CDHR2: variants seen among roughly 807,000 people sequenced by gnomAD.
CDHR2 encodes cadherin-related family member 2.
A neutral mutation model predicts 138.6 loss-of-function variants in CDHR2; 104 were observed. The observed-to-expected ratio is 0.75, with a 90% CI of 0.64 to 0.88. The LOEUF is 0.88. Ranked by LOEUF, CDHR2 falls within the 40% of genes least tolerant of loss-of-function variation. The probability of loss-of-function intolerance (pLI) is 0.00; values close to 1 mark genes in which losing one functional copy is unlikely to be tolerated. For missense variants in CDHR2, 1,624 were observed against 1,727.6 expected (o/e 0.94, Z 1.06); for synonymous variants, 755 against 742.8 (o/e 1.02, Z -0.27).
At chr5:176,548,038 GTC>G (rs1359623146), upstream of CDHR2, among the ~76,000 whole-genome samples, 3 of 152,116 alleles carry the variant, frequency 2.0e-5, no homozygotes, top group Non-Finnish European at 4.4e-5. Flanking sequence ...TACACACCCA[GTC>G]TCTATACCAC....
rs1757494968 is a variant in CDHR2, at chr5:176,543,150, C to A, written c.-16+381C>A. Among the ~76,000 whole-genome samples, 1 of 150,866 alleles carries A rather than the reference C, an allele frequency of 6.6e-6. No individual in the cohort carries two copies. The highest frequency in any genetic ancestry group is 1.9e-4 in the East Asian group (1 of 5,140). ...CGTGCGGGCGCCGGCAGAGGCCTGG[C>A]GGGAAGACCCCGCGTGCGTTCCTCC... is the stretch of plus-strand genomic sequence containing the variant. On this transcript the variant is annotated intron_variant, in intron 1 of 31. Transcript: ENST00000510636. This position sits in a 1 kb window ranked among gnomAD's most constrained non-coding sequence, Gnocchi z 4.0.
In CDHR2 at chr5:176,575,075, C is replaced by G; in HGVS notation, c.496-9C>G. On this transcript the variant is annotated splice_polypyrimidine_tract_variant and intron_variant, in intron 7 of 31. Coordinates refer to ENST00000261944, the MANE Select transcript of CDHR2 (RefSeq NM_017675.6). ...CTAGGGAGCCTGACCCAAGTCTGCT[C>G]TGCCCCAGGTCATCCCTAGCACTGG... The G allele has an allele frequency of 6.2e-7, 1 of 1,613,954 alleles. No individual in the cohort carries two copies. The highest frequency in any genetic ancestry group is 8.5e-7 in the Non-Finnish European group (1 of 1,179,996).
At chr5:176,562,330 G>C (rs902063796) in intron 1 of CDHR2, among the ~76,000 whole-genome samples, 19 of 148,324 alleles carry the variant, frequency 1.3e-4, no homozygotes, top group Non-Finnish European at 1.5e-5. Context: ...AGAGATGCAG[G>C]CTGATTAGAG....
chr5:176,578,683 G>T, intron 16 of CDHR2, 75 bp downstream of exon 16: 2 of 1,578,062 alleles, frequency 1.3e-6, no homozygotes, highest in Non-Finnish European at 1.7e-6. Context: ...TGCTGGCCCT[G>T]GGTAAAGTCG....
chr5:176,575,246 C>T lies in CDHR2; in HGVS notation c.622-34C>T, dbSNP rs377539876. The stretch of plus-strand genomic sequence containing the variant: ...TGCCGGCAGGCGGGCCTAGGACCCA[C>T]GGCGCTGGCTCACGGGTGGCCATCT... On this transcript the variant is annotated intron_variant, in intron 8 of 31. Transcript: ENST00000261944. 1.9e-5 allele frequency: 30 copies of T among 1,613,964 alleles called. 1 individual carries two copies. The highest frequency in any genetic ancestry group is 8.8e-5 in the South Asian group (8 of 91,090).
At chr5:176,565,441 C>A (rs375842522) in intron 2 of CDHR2, 37 bp downstream of exon 2, 4 of 1,595,200 alleles carry the variant, frequency 2.5e-6, no homozygotes, top group Non-Finnish European at 3.4e-6. Flanking sequence ...CAGCCCTAAC[C>A]TAGAGACCCT....
At position 176,590,258 on chromosome 5, in the gene CDHR2, G is replaced by C; in HGVS notation, c.3281G>C (p.Arg1094Pro). 1 of 1,614,144 alleles carries C rather than the reference G, an allele frequency of 6.2e-7. No homozygotes were observed. The change falls in exon 26 of 32, where the codon CGA becomes CCA. Residue 1094 changes from arginine (R) to proline (P), a missense_variant. Physicochemically the swap from Arg to Pro is moderately radical, Grantham distance 103. Coordinates refer to ENST00000261944, the MANE Select transcript of CDHR2 (RefSeq NM_017675.6). Reference sequence around the variant, plus strand: ...TCAACTCTGTCCCGCTCCAGGGCCCGACCTCACTCCTACCTCGATGCCTAC... The same window carrying C: ...TCAACTCTGTCCCGCTCCAGGGCCCCACCTCACTCCTACCTCGATGCCTAC... The part of the protein sequence containing the change: ...IQDIDSAARA[R>P]PHSYLDAYFV...
At chr5:176,563,240 CG>C (rs1038564591) in intron 1 of CDHR2, among the ~76,000 whole-genome samples, 4 of 152,022 alleles carry the variant, frequency 2.6e-5, no homozygotes, top group Non-Finnish European at 5.9e-5. Flanking sequence ...CCCAGCTACT[CG>C]GGAGGCTGAG....
At chr5:176,545,464 A>T (rs1040173077), upstream of CDHR2, among the ~76,000 whole-genome samples, 1 of 152,210 alleles carries the variant, frequency 6.6e-6, no homozygotes, top group African/African-American at 2.4e-5. Flanking sequence ...TGATTAAAAA[A>T]AATTTTAAGG....
intron 16 of CDHR2, 61 bp from the exon 17 acceptor site, chr5:176,581,282 C>A: frequency 2.5e-6 from 4 of 1,596,516 alleles, no homozygotes; most frequent in South Asian, 2.2e-5. Context: ...CCGGCTGCAT[C>A]GGAGGGGCTG....
chr5:176,594,543 G>C (rs927537878), intron 31 of CDHR2, among the ~76,000 whole-genome samples: 4 of 152,248 alleles, frequency 2.6e-5, no homozygotes, highest in African/African-American at 9.6e-5. Flanking sequence ...GCAGGGCAGG[G>C]GCAGACCAGA....
intron 18 of CDHR2, 37 bp from the exon 19 acceptor site, chr5:176,584,373 G>A (rs779168461): frequency 1.2e-6 from 2 of 1,607,062 alleles, no homozygotes; most frequent in South Asian, 1.1e-5. Flanking sequence ...CGATGGCGGG[G>A]TCAGGAGTCC....
intron 30 of CDHR2, among the ~76,000 whole-genome samples, chr5:176,592,260 G>T (rs1758892092): frequency 7.1e-6 from 1 of 141,542 alleles, no homozygotes; most frequent in South Asian, 2.4e-4. Context: ...GGTGGTGTTG[G>T]TGTTGAGGTG....
rs150353107 is a variant in CDHR2, at chr5:176,589,856, G to A, written c.3207-222G>A. 1.1e-4 allele frequency among the ~76,000 whole-genome samples: 17 copies of A among 152,360 alleles called. 1 individual carries two copies. Among genetic ancestry groups the A allele is most frequent in the Middle Eastern group, 3.4e-3 (1 of 294 alleles). ...GCTGCCGTGTACAGTTGTGAAGGCT[G>A]TGTGTTGCACAAGGGCACTCTGCTT... is the stretch of plus-strand genomic sequence containing the variant. On this transcript the variant is annotated intron_variant, in intron 24 of 31. Transcript: ENST00000261944.
intron 1 of CDHR2, among the ~76,000 whole-genome samples, chr5:176,562,873 C>T (rs777481456): frequency 5.9e-5 from 9 of 152,170 alleles, no homozygotes; most frequent in Non-Finnish European, 1.0e-4. Context: ...ATGATCCACG[C>T]TCACTTGGGG....
chr5:176,591,289 G>T lies in CDHR2; in HGVS notation c.3619G>T (p.Ala1207Ser). The T allele has an allele frequency of 6.2e-7, 1 of 1,614,028 alleles. No homozygotes were observed. The highest frequency in any genetic ancestry group is 8.5e-7 in the Non-Finnish European group (1 of 1,179,936). Reference protein sequence around the residue: ...TAAGVMPSAPAIPGTNMYNTE... With the variant: ...TAAGVMPSAPSIPGTNMYNTE... ...AGCAGGGGTGATGCCCTCAGCCCCT[G>T]CCATCCCAGGGACTAACATGTACAA... The change falls in exon 29 of 32, where the codon GCC becomes TCC. Residue 1207 changes from alanine (A) to serine (S), a missense_variant. Physicochemically the swap from Ala to Ser is moderately conservative, Grantham distance 99 (BLOSUM62 1). Coordinates refer to ENST00000261944, the MANE Select transcript of CDHR2 (RefSeq NM_017675.6).
rs1164689670 is a variant in CDHR2 at position 176,592,766 on chromosome 5, A to C, written c.3778A>C (p.Ser1260Arg). The change falls in exon 31 of 32, where the codon AGT (serine) becomes CGT (arginine). Residue 1260 changes from serine (S) to arginine (R), a missense_variant. Around this residue, in one of 3 missense-constraint regions of CDHR2, gnomAD observed 556 missense variants for 565.7 expected, o/e 0.98. Coordinates refer to ENST00000261944, the MANE Select transcript of CDHR2 (RefSeq NM_017675.6). ...CAACTCTGTGGATGTGGACAAGAAC[A>C]GTCAGGAAATCAAGGCAAGATGGGG... The part of the protein sequence containing the change: ...DDNSVDVDKN[S>R]QEIKEHRPPH... 6.2e-7 allele frequency: 1 copy of C among 1,613,848 alleles called. No individual in the cohort carries two copies. The highest frequency in any genetic ancestry group is 1.3e-5 in the African/African-American group (1 of 74,986).
At position 176,590,694 on chromosome 5, in the gene CDHR2, C is replaced by T; in HGVS notation, c.3539+7C>T. 6.2e-7 allele frequency: 1 copy of T among 1,612,710 alleles called. No homozygotes were observed. Among genetic ancestry groups the T allele is most frequent in the South Asian group, 1.1e-5 (1 of 91,022 alleles). On this transcript the variant is annotated splice_region_variant and intron_variant, in intron 28 of 31. Transcript: ENST00000261944. ...TCGTGTGTGTGCGGAAGAGGTGCGG[C>T]TCCCATTGCCCCCGTGTCTCCAACC...
At chr5:176,544,375 C>T (rs28633116), upstream of CDHR2, among the ~76,000 whole-genome samples, 26 of 146,104 alleles carry the variant, frequency 1.8e-4, no homozygotes, top group African/African-American at 5.4e-4. Flanking sequence ...TCTTTCTTTC[C>T]TTTTTTTCTT....
Sources: allele counts gnomAD v4.1 joint callset (sites outside exome capture counted in the v4.1 genomes callset), GRCh38; gene constraint gnomAD v4.1.1; regional missense constraint gnomAD v4.1.1; non-coding constraint Gnocchi (gnomAD v3.1); transcripts MANE v1.5; gene names NCBI Gene and HGNC (gene_info 2026-07-23, HGNC 2026-07-21).